PREP: variants seen among roughly 807,000 people sequenced by gnomAD.
The protein encoded by PREP is dJ355L5.1 (prolyl endopeptidase).
A neutral mutation model predicts 87.6 loss-of-function variants in PREP; 29 were observed. That is an observed-to-expected ratio of 0.33 (90% CI 0.25 to 0.45). PREP has a LOEUF of 0.45. Ranked by LOEUF, PREP falls within the 20% of genes least tolerant of loss-of-function variation. The pLI, the probability that PREP is intolerant of heterozygous loss-of-function variation, is 1.00. For missense variants in PREP, 695 were observed against 886.5 expected, an observed-to-expected ratio of 0.78 and a Z score of 2.74; for synonymous variants, 337 against 328.6, an observed-to-expected ratio of 1.03 and a Z score of -0.28.
At chr6:105,322,774 G>A (rs1771046498) in intron 10 of PREP, 2 of 1,052,370 alleles carry the variant, frequency 1.9e-6, no homozygotes, top group South Asian at 3.3e-5. Flanking sequence ...CCCACCACCT[G>A]TTTTAGTAAA....
intron 2 of PREP, among the ~76,000 whole-genome samples, chr6:105,391,336 C>T (rs980325321): frequency 6.6e-6 from 1 of 152,018 alleles, no homozygotes; most frequent in African/African-American, 2.4e-5. Context: ...GAGCTGAGAT[C>T]GTGCCACTGC....
At chr6:105,290,293 A>G (rs540937119) in intron 10 of PREP, among the ~76,000 whole-genome samples, 1 of 152,322 alleles carries the variant, frequency 6.6e-6, no homozygotes, top group South Asian at 2.1e-4. Context: ...GGCTGGGATT[A>G]GTGAGCTAAA....
intron 6 of PREP, among the ~76,000 whole-genome samples, chr6:105,365,573 C>A (rs1665486308): frequency 6.6e-6 from 1 of 152,152 alleles, no homozygotes; most frequent in Non-Finnish European, 1.5e-5. Context: ...CAAGAGTACT[C>A]CTCCATGTAG....
In PREP at chr6:105,305,478, C is replaced by A. The variant is rs150482840; in HGVS notation, c.1318-16584G>T. The stretch of plus-strand genomic sequence containing the variant: ...CAAAGAGGTGGTCAATTAGAAGAGA[C>A]TGAACTAGAGGCGTAGAGGCGGTAT... On this transcript the variant is annotated intron_variant, in intron 10 of 14. Coordinates refer to ENST00000652536, the MANE Select transcript of PREP (RefSeq NM_002726.5). Among the ~76,000 whole-genome samples, 736 of 152,126 alleles carry A rather than the reference C, an allele frequency of 4.8e-3. 2 individuals carry two copies. Among genetic ancestry groups the A allele is most frequent in the Non-Finnish European group, 8.2e-3 (555 of 68,018 alleles).
intron 6 of PREP, among the ~76,000 whole-genome samples, chr6:105,356,872 T>C (rs1272392605): frequency 3.9e-5 from 6 of 152,220 alleles, no homozygotes; most frequent in African/African-American, 1.4e-4. Flanking sequence ...ATGAACACAA[T>C]TTGAACACAT....
intron 2 of PREP, among the ~76,000 whole-genome samples, chr6:105,390,773 T>C (rs1295852554): frequency 6.6e-6 from 1 of 152,136 alleles, no homozygotes. Flanking sequence ...AAAGTATCAC[T>C]ATCAGGAAGG....
chr6:105,365,377 C>T (rs1772359759), intron 6 of PREP, among the ~76,000 whole-genome samples: 2 of 152,160 alleles, frequency 1.3e-5, no homozygotes, highest in Admixed American at 1.3e-4. Context: ...CTACAGTGCA[C>T]CTGCTTCTTG....
At chr6:105,384,967 T>C (rs1772947778) in intron 2 of PREP, among the ~76,000 whole-genome samples, 2 of 152,332 alleles carry the variant, frequency 1.3e-5, no homozygotes, top group East Asian at 1.9e-4. Context: ...GCTCCTCTTT[T>C]TATGTGAGCT....
intron 13 of PREP, among the ~76,000 whole-genome samples, 198 bp from the exon 14 acceptor site, chr6:105,282,100 G>T (rs1770095428): frequency 6.6e-6 from 1 of 151,998 alleles, no homozygotes; most frequent in Non-Finnish European, 1.5e-5. Flanking sequence ...GAGGGGGTGG[G>T]GATTCTCATC....
intron 7 of PREP, among the ~76,000 whole-genome samples, chr6:105,335,242 G>A (rs1771449180): frequency 6.6e-6 from 1 of 152,178 alleles, no homozygotes; most frequent in Admixed American, 6.5e-5. Flanking sequence ...AAACAAAAAA[G>A]TTCTATGACT....
chr6:105,397,042 G>A (rs548066843), intron 2 of PREP, among the ~76,000 whole-genome samples: 59 of 152,048 alleles, frequency 3.9e-4, no homozygotes, highest in African/African-American at 1.3e-3. Context: ...AAAACTAGCC[G>A]GGTGTGGTGG....
Position 105,277,186 on chromosome 6 carries a change from T to TAAGTA in PREP, c.*953_*957dup, listed in dbSNP as rs1769958603. ...CTTTTTTTTTTTTTTTTCCAGTAAG[T>TAAGTA]AAGTATGACTATTTCTATTTCCAGG... On this transcript the variant is annotated 3_prime_UTR_variant, in exon 15 of 15. Transcript: ENST00000652536. 1.3e-5 allele frequency among the ~76,000 whole-genome samples: 2 copies of TAAGTA among 149,928 alleles called. No homozygotes were observed. Among genetic ancestry groups the TAAGTA allele is most frequent in the South Asian group, 2.1e-4 (1 of 4,774 alleles).
chr6:105,388,802 C>T (rs1362376569), intron 2 of PREP, among the ~76,000 whole-genome samples: 2 of 152,162 alleles, frequency 1.3e-5, no homozygotes, highest in Non-Finnish European at 1.5e-5. Context: ...AATCCAGGCC[C>T]ATATATGGGA....
At chr6:105,376,096 T>C (rs1479455111) in intron 4 of PREP, 29 bp downstream of exon 4, 2 of 1,599,190 alleles carry the variant, frequency 1.3e-6, no homozygotes, top group African/African-American at 2.7e-5. Context: ...GTCTTAGGAG[T>C]TCCACGGGCC....
chr6:105,282,650 T>C (rs975286564), intron 12 of PREP, 68 bp from the exon 13 acceptor site: 4 of 1,548,962 alleles, frequency 2.6e-6, no homozygotes, highest in Non-Finnish European at 3.5e-6. Context: ...CTAATGGGAA[T>C]TCAAATGATA....
At chr6:105,287,955 C>A (rs528752045) in intron 11 of PREP, among the ~76,000 whole-genome samples, 27 of 152,276 alleles carry the variant, frequency 1.8e-4, no homozygotes, top group Middle Eastern at 6.8e-3. Flanking sequence ...GAAATAATCA[C>A]AGAAACAGCA....
chr6:105,319,064 C>T (rs748636856), intron 10 of PREP, among the ~76,000 whole-genome samples: 1 of 152,186 alleles, frequency 6.6e-6, no homozygotes, highest in African/African-American at 2.4e-5. Flanking sequence ...CTCCCTCCAC[C>T]CCAAGGCATG....
chr6:105,280,159 G>A (rs1227932554), intron 14 of PREP, among the ~76,000 whole-genome samples: 14 of 152,276 alleles, frequency 9.2e-5, no homozygotes, highest in South Asian at 4.2e-4. Flanking sequence ...GGCCGTGTGC[G>A]GTGGTGCGCA....
At chr6:105,291,044 CA>C (rs1354363996) in intron 10 of PREP, among the ~76,000 whole-genome samples, 9 of 152,176 alleles carry the variant, frequency 5.9e-5, no homozygotes, top group Admixed American at 3.9e-4. Context: ...GTTATGATTA[CA>C]CTAGACTGTA....
Sources: gnomAD v4.1 joint callset for allele counts (sites outside exome capture counted in the v4.1 genomes callset) on GRCh38, gnomAD v4.1.1 for gene constraint, MANE v1.5 for transcripts, NCBI Gene and HGNC (gene_info 2026-07-23, HGNC 2026-07-21) for gene names.